The following HARBI1 variants were observed in gnomAD, a reference collection of about 807,000 sequenced individuals.
The protein encoded by HARBI1 is harbinger transposase derived 1.
Under a neutral mutation model 25.3 loss-of-function variants are expected in HARBI1, and 15 were observed. That is an observed-to-expected ratio of 0.59 (90% CI 0.40 to 0.91). HARBI1 has a LOEUF of 0.91. Ranked by LOEUF, HARBI1 falls within the 40% of genes least tolerant of loss-of-function variation. The pLI, the probability that HARBI1 is intolerant of heterozygous loss-of-function variation, is 0.00. For synonymous variants in HARBI1, 168 were observed against 160.5 expected, an observed-to-expected ratio of 1.05 and a Z score of -0.35; for missense variants, 396 against 445.8, an observed-to-expected ratio of 0.89 and a Z score of 1.01.
intron 2 of HARBI1, chr11:46,604,398 T>TC (rs2044861767): frequency 1.1e-6 from 1 of 894,808 alleles, no homozygotes; most frequent in Admixed American, 6.2e-5. Flanking sequence ...AGCGCGAAAC[T>TC]CCATCTCAAA....
chr11:46,604,061 G>A, intron 2 of HARBI1, 152 bp from the exon 3 acceptor site: 1 of 1,405,008 alleles, frequency 7.1e-7, no homozygotes, highest in Non-Finnish European at 9.2e-7. Context: ...AAATGCTATG[G>A]TAAAAAGAAA....
chr11:46,607,897 T>A, intron 2 of HARBI1, among the ~76,000 whole-genome samples: 1 of 123,584 alleles, frequency 8.1e-6, no homozygotes. Flanking sequence ...GATAATATCG[T>A]AGGAAAAATA....
In HARBI1 at chr11:46,603,636, G is replaced by A; in HGVS notation, c.944C>T (p.Thr315Ile). Reference protein sequence around the residue: ...HGMDVWSSPMTGPMEQPPEEE... With the variant: ...HGMDVWSSPMIGPMEQPPEEE... ...TTCCGGGGGCTGTTCCATGGGTCCT[G>A]TCATTGGAGAGGACCAAACATCCAT... is the stretch of plus-strand genomic sequence containing the variant. Residue 315 changes from threonine to isoleucine, a missense_variant, in exon 3 of 3, where the codon ACA (threonine) becomes ATA (isoleucine). Coordinates refer to ENST00000326737, the MANE Select transcript of HARBI1 (RefSeq NM_173811.4). The A allele has an allele frequency of 3.1e-6, 5 of 1,614,196 alleles. No homozygotes were observed. The highest frequency in any genetic ancestry group is 4.2e-6 in the Non-Finnish European group (5 of 1,180,012).
At chr11:46,606,028 G>A (rs557263989) in intron 2 of HARBI1, among the ~76,000 whole-genome samples, 1 of 151,740 alleles carries the variant, frequency 6.6e-6, no homozygotes, top group Non-Finnish European at 1.5e-5. Context: ...TGGGATTACA[G>A]GCACCTGCCA....
upstream of HARBI1, chr11:46,617,748 G>A: frequency 2.5e-6 from 1 of 398,830 alleles, no homozygotes; most frequent in Non-Finnish European, 4.4e-6. Context: ...CCCTTCTGAA[G>A]CCTTAGGTGT....
At chr11:46,606,960 C>A (rs1247036090) in intron 2 of HARBI1, among the ~76,000 whole-genome samples, 1 of 152,164 alleles carries the variant, frequency 6.6e-6, no homozygotes, top group African/African-American at 2.4e-5. Context: ...CCACACCCAG[C>A]TGGTACTTTT....
In HARBI1 at chr11:46,615,802, C is replaced by A; in HGVS notation, c.436G>T (p.Gly146Trp). The stretch of plus-strand genomic sequence containing the variant: ...GCCACATGGATACAGTCAACCACCC[C>A]CATCACCCCTGGCATCCCTGCCAAC... ...YGLAGMPGVM[G>W]VVDCIHVAIK... The change falls in exon 2 of 3, where the codon GGG becomes TGG. Residue 146 changes from glycine (G) to tryptophan (W), a missense_variant. Physicochemically the swap from Gly to Trp is radical, Grantham distance 184 (BLOSUM62 -2). Coordinates refer to ENST00000326737, the MANE Select transcript of HARBI1 (RefSeq NM_173811.4). The A allele has an allele frequency of 6.2e-7, 1 of 1,614,172 alleles. No individual in the cohort carries two copies.
intron 2 of HARBI1, among the ~76,000 whole-genome samples, chr11:46,606,476 C>T (rs187724205): frequency 4.2e-4 from 64 of 151,536 alleles, no homozygotes; most frequent in African/African-American, 1.5e-3. Flanking sequence ...CCATGACTGG[C>T]TAATTTTGGT....
At position 46,604,203 on chromosome 11, in the gene HARBI1, G is replaced by A. The variant is rs77638500; in HGVS notation, c.671-294C>T. The A allele has an allele frequency of 2.0e-4, 200 of 985,382 alleles. 2 individuals carry two copies. The East Asian group carries it at 0.02, about 101-fold the overall frequency. 61.0% of individuals were successfully genotyped at this position (985,382 alleles called of 1,614,324 possible). A position where few individuals can be genotyped will look rare whatever the true frequency, so the allele number is the denominator to read the frequency against. On this transcript the variant is annotated intron_variant, in intron 2 of 2. Coordinates refer to ENST00000326737, the MANE Select transcript of HARBI1 (RefSeq NM_173811.4). ...AATGTAGGAAGGAGGTGAAGGCACTGGAGGAAATAAAATTCCTGCATTTGG... is the reference window on the plus strand; with the variant it reads ...AATGTAGGAAGGAGGTGAAGGCACTAGAGGAAATAAAATTCCTGCATTTGG...
intron 2 of HARBI1, among the ~76,000 whole-genome samples, chr11:46,606,053 T>G (rs1042470367): frequency 4.6e-5 from 7 of 151,002 alleles, no homozygotes; most frequent in African/African-American, 1.7e-4. Flanking sequence ...GCCCAGCTAA[T>G]TTTTGTATTT....
intron 2 of HARBI1, among the ~76,000 whole-genome samples, chr11:46,614,998 C>T (rs565481228): frequency 1.3e-5 from 2 of 151,728 alleles, no homozygotes; most frequent in African/African-American, 2.4e-5. Context: ...CCGCAACCTC[C>T]GCCTCCCGGG....
intron 2 of HARBI1, among the ~76,000 whole-genome samples, chr11:46,605,539 A>T (rs2044906333): frequency 1.3e-5 from 2 of 151,390 alleles, no homozygotes; most frequent in Non-Finnish European, 2.9e-5. Context: ...AGTCTCACAA[A>T]ATTTTCAAAT....
At chr11:46,604,771 G>T in intron 2 of HARBI1, 1 of 854,564 alleles carries the variant, frequency 1.2e-6, no homozygotes, top group Non-Finnish European at 1.4e-6. Context: ...CCATGCCTTT[G>T]TAAGAGGAAG....
intron 2 of HARBI1, chr11:46,604,120 C>T (rs1042417447): frequency 1.0e-6 from 1 of 985,182 alleles, no homozygotes; most frequent in Non-Finnish European, 1.2e-6. Context: ...CTGAGAATGT[C>T]GTTGGTAAAA....
chr11:46,607,911 C>CA (rs201193777), intron 2 of HARBI1, among the ~76,000 whole-genome samples: 3,243 of 74,826 alleles, frequency 0.043, 62 homozygotes, highest in Non-Finnish European at 0.065. Flanking sequence ...AAAAATAATG[C>CA]AAAAAAAAAA....
intron 2 of HARBI1, among the ~76,000 whole-genome samples, chr11:46,611,431 C>CTTAATAGTT (rs2045180432): frequency 6.6e-6 from 1 of 152,060 alleles, no homozygotes; most frequent in Admixed American, 6.6e-5. Flanking sequence ...GGGAACCGGG[C>CTTAATAGTT]AGGGTGCAGT....
At chr11:46,616,918 G>A in intron 1 of HARBI1, 1 of 979,594 alleles carries the variant, frequency 1.0e-6, no homozygotes, top group Non-Finnish European at 1.2e-6. Flanking sequence ...GTAACAAAAG[G>A]CTTTTCCCTC....
chr11:46,604,537 A>G, intron 2 of HARBI1: 1 of 985,182 alleles, frequency 1.0e-6, no homozygotes, highest in African/African-American at 1.7e-5. Context: ...AAACAGGAAA[A>G]AAGAGAATTC....
chr11:46,614,514 T>C (rs950026155), intron 2 of HARBI1, among the ~76,000 whole-genome samples: 53 of 152,216 alleles, frequency 3.5e-4, no homozygotes, highest in African/African-American at 1.3e-3. Flanking sequence ...GATGGGAGGA[T>C]AGCTTGAGGC....
Sources: gnomAD v4.1 joint callset for allele counts (sites outside exome capture counted in the v4.1 genomes callset) on GRCh38, gnomAD v4.1.1 for gene constraint, MANE v1.5 for transcripts, NCBI Gene and HGNC (gene_info 2026-07-23, HGNC 2026-07-21) for gene names.